ABTB3: variants seen among roughly 807,000 people sequenced by gnomAD.
The protein encoded by ABTB3 is ankyrin repeat and BTB domain containing 3.
chr12:107,658,332 T>C, the ABTB3 span: 1 of 152,792 alleles, frequency 6.5e-6, no homozygotes, highest in Admixed American at 6.5e-5. Context: ...AGATTTTTCT[T>C]TATTTCTTTT....
the ABTB3 span, among the ~76,000 whole-genome samples, chr12:107,390,163 C>T: frequency 6.6e-6 from 1 of 152,176 alleles, no homozygotes; most frequent in South Asian, 2.1e-4. Flanking sequence ...TCAGCTACCA[C>T]AGTGAGACTT....
chr12:107,589,332 TC>T, the ABTB3 span, among the ~76,000 whole-genome samples: 1 of 152,248 alleles, frequency 6.6e-6, no homozygotes, highest in Non-Finnish European at 1.5e-5. Flanking sequence ...TTGGTAGCCC[TC>T]ACTGAGATCT....
the ABTB3 span, among the ~76,000 whole-genome samples, chr12:107,504,105 C>T: frequency 6.6e-6 from 1 of 152,192 alleles, no homozygotes; most frequent in Non-Finnish European, 1.5e-5. Context: ...ACAGCAATGA[C>T]AAACGAGAAT....
At chr12:107,609,017 A>G in the ABTB3 span, among the ~76,000 whole-genome samples, 17 of 151,794 alleles carry the variant, frequency 1.1e-4, no homozygotes, top group Admixed American at 1.3e-4. Context: ...AAATAAAGAC[A>G]CAGATAGCCC....
chr12:107,405,555 G>T, the ABTB3 span, among the ~76,000 whole-genome samples: 1 of 152,254 alleles, frequency 6.6e-6, no homozygotes, highest in Non-Finnish European at 1.5e-5. Flanking sequence ...CGGCTGTCCG[G>T]GGTTGTCCTG....
At chr12:107,450,819 GA>G in the ABTB3 span, among the ~76,000 whole-genome samples, 1 of 152,052 alleles carries the variant, frequency 6.6e-6, no homozygotes, top group Non-Finnish European at 1.5e-5. Flanking sequence ...GGGAGGGGAG[GA>G]AAAACACTTG....
At chr12:107,589,139 A>C in the ABTB3 span, among the ~76,000 whole-genome samples, 6 of 152,224 alleles carry the variant, frequency 3.9e-5, no homozygotes, top group African/African-American at 1.4e-4. Flanking sequence ...TAATGTGTAC[A>C]AACCATTTAG....
chr12:107,619,312 A>G, the ABTB3 span, among the ~76,000 whole-genome samples: 1 of 152,214 alleles, frequency 6.6e-6, no homozygotes, highest in Non-Finnish European at 1.5e-5. Flanking sequence ...CGAGAGGCAA[A>G]TTACAGCAGT....
the ABTB3 span, among the ~76,000 whole-genome samples, chr12:107,648,343 T>C: frequency 6.8e-6 from 1 of 146,290 alleles, no homozygotes; most frequent in Non-Finnish European, 1.5e-5. Flanking sequence ...ATCGCGCCAC[T>C]GCACTCCAGC....
the ABTB3 span, among the ~76,000 whole-genome samples, chr12:107,382,762 G>A: frequency 5.3e-5 from 8 of 152,202 alleles, no homozygotes; most frequent in Admixed American, 4.6e-4. Flanking sequence ...GCCTGTTGTG[G>A]GGTGGAGGGC....
At chr12:107,427,289 T>C in the ABTB3 span, among the ~76,000 whole-genome samples, 1 of 152,034 alleles carries the variant, frequency 6.6e-6, no homozygotes, top group Non-Finnish European at 1.5e-5. Flanking sequence ...CCCTATTTTT[T>C]TTTTTTTAAA....
At chr12:107,611,276 G>T in the ABTB3 span, among the ~76,000 whole-genome samples, 2 of 151,900 alleles carry the variant, frequency 1.3e-5, no homozygotes, top group Admixed American at 6.6e-5. Context: ...GAACTCTTAG[G>T]CTCAAGAGAT....
chr12:107,425,632 C>T, the ABTB3 span, among the ~76,000 whole-genome samples: 24 of 152,304 alleles, frequency 1.6e-4, no homozygotes, highest in Admixed American at 2.0e-4. Flanking sequence ...ATGGACCTCC[C>T]GGGTGAAAAC....
the ABTB3 span, among the ~76,000 whole-genome samples, chr12:107,356,908 CA>C: frequency 6.6e-6 from 1 of 152,254 alleles, no homozygotes; most frequent in Non-Finnish European, 1.5e-5. Flanking sequence ...CCTTCAGAAT[CA>C]GACCATCTGG....
chr12:107,487,319 C>A, the ABTB3 span, among the ~76,000 whole-genome samples: 1 of 152,118 alleles, frequency 6.6e-6, no homozygotes, highest in Non-Finnish European at 1.5e-5. Context: ...AAATAGGAAG[C>A]CCTCCATTTT....
At chr12:107,399,786 GT>G in the ABTB3 span, among the ~76,000 whole-genome samples, 278 of 152,188 alleles carry the variant, frequency 1.8e-3, 5 homozygotes, top group East Asian at 0.044. Context: ...TGTCATCTAG[GT>G]TTTAAGCCCC....
At chr12:107,554,082 A>G in the ABTB3 span, among the ~76,000 whole-genome samples, 8 of 152,196 alleles carry the variant, frequency 5.3e-5, no homozygotes, top group Admixed American at 2.0e-4. Context: ...AGCGTCTACT[A>G]TGTGTCATGT....
the ABTB3 span, among the ~76,000 whole-genome samples, chr12:107,469,986 TTCTTTCTTTCTTTCTTTCTTTCTTTCTC>T: frequency 7.7e-5 from 5 of 65,278 alleles, no homozygotes; most frequent in African/African-American, 3.2e-4. Context: ...CTTTCTTTCT[TTCTTTCTTTCTTTCTTTCTTTCTTTCTC>T]TCTCTCTCTC....
the ABTB3 span, chr12:107,617,643 T>G: frequency 5.0e-6 from 3 of 597,148 alleles, no homozygotes; most frequent in Non-Finnish European, 8.5e-6. Flanking sequence ...GAATGCTTTA[T>G]TTTACCTGCT....
Sources: gnomAD v4.1 joint callset for allele counts (sites outside exome capture counted in the v4.1 genomes callset) on GRCh38, gnomAD v4.1.1 for gene constraint, MANE v1.5 for transcripts, NCBI Gene and HGNC (gene_info 2026-07-23, HGNC 2026-07-21) for gene names.